The following SLC30A8 variants were observed in gnomAD, a reference collection of about 807,000 sequenced individuals.
SLC30A8 encodes the protein solute carrier family 30 member 8, also known as proton-coupled zinc antiporter SLC30A8.
A neutral mutation model predicts 36.9 loss-of-function variants in SLC30A8; 27 were observed. The observed-to-expected ratio is 0.73, with a 90% CI of 0.54 to 1.01. The LOEUF is 1.01. Among genes scored for constraint, SLC30A8 ranks in the 50% least tolerant of loss-of-function variants. The pLI is 0.00. For synonymous variants in SLC30A8, 164 were observed against 172.4 expected (o/e 0.95, Z 0.38); for missense variants, 439 against 452.0 (o/e 0.97, Z 0.26).
Position 116,957,253 on chromosome 8 carries a change from G to A in SLC30A8, c.-266+6134G>A, listed in dbSNP as rs550783229. Among the ~76,000 whole-genome samples, 6 of 152,142 alleles carry A rather than the reference G, an allele frequency of 3.9e-5. No individual in the cohort carries two copies. The South Asian group carries it at 1.2e-3, about 32-fold the overall frequency. ...CATAGTTAAAGGGCTATTATGGGCA[G>A]CACCATTCTTTTTTTTATTTTTTAT... On this transcript the variant is annotated intron_variant, in intron 1 of 10. Transcript: ENST00000427715.
At chr8:117,068,973 A>G (rs1193002942) in intron 2 of SLC30A8, among the ~76,000 whole-genome samples, 2 of 152,054 alleles carry the variant, frequency 1.3e-5, no homozygotes, top group African/African-American at 4.8e-5. Context: ...CTCTATCTCC[A>G]AGATTCACCC....
intron 1 of SLC30A8, among the ~76,000 whole-genome samples, chr8:116,989,844 A>G (rs1815570931): frequency 6.6e-6 from 1 of 152,234 alleles, no homozygotes; most frequent in Non-Finnish European, 1.5e-5. Context: ...TTCTGATCAC[A>G]TTTGCCAGGA....
intron 1 of SLC30A8, among the ~76,000 whole-genome samples, chr8:116,951,665 G>A (rs1432308863): frequency 6.6e-6 from 1 of 152,022 alleles, no homozygotes; most frequent in Admixed American, 6.5e-5. Context: ...GTGATTCCTT[G>A]TATTTTTATA....
At chr8:117,138,151 T>C (rs1821456917) in intron 1 of SLC30A8, among the ~76,000 whole-genome samples, 1 of 151,250 alleles carries the variant, frequency 6.6e-6, no homozygotes, top group Non-Finnish European at 1.5e-5. Flanking sequence ...TTCTTGGTGC[T>C]AGGTGGAAGG....
intron 1 of SLC30A8, among the ~76,000 whole-genome samples, chr8:117,033,211 A>G (rs1817110919): frequency 6.6e-6 from 1 of 152,244 alleles, no homozygotes; most frequent in Non-Finnish European, 1.5e-5. Context: ...TCATAACAGC[A>G]CTATTCAAAG....
At chr8:116,999,073 A>G (rs575020146) in intron 1 of SLC30A8, among the ~76,000 whole-genome samples, 35 of 152,338 alleles carry the variant, frequency 2.3e-4, no homozygotes, top group African/African-American at 8.4e-4. Context: ...AGCCTGGCCA[A>G]CATGGTGAAA....
chr8:116,988,724 C>T (rs1815534374), intron 1 of SLC30A8, among the ~76,000 whole-genome samples: 3 of 152,162 alleles, frequency 2.0e-5, no homozygotes, highest in African/African-American at 7.2e-5. Flanking sequence ...TGTTATTTTA[C>T]TATAATCGCC....
chr8:116,995,316 C>T (rs929152108), intron 1 of SLC30A8, among the ~76,000 whole-genome samples: 5 of 152,004 alleles, frequency 3.3e-5, no homozygotes, highest in African/African-American at 7.3e-5. Context: ...GGGTTTTAGA[C>T]GTAAATAACT....
chr8:117,012,212 G>A (rs115781286), intron 1 of SLC30A8, among the ~76,000 whole-genome samples: 1,534 of 152,052 alleles, frequency 0.01, 22 homozygotes, highest in African/African-American at 0.034. Context: ...ATTAAAGATA[G>A]GTAAACAATA....
At chr8:117,018,932 G>C (rs2130719294) in intron 1 of SLC30A8, among the ~76,000 whole-genome samples, 1 of 152,238 alleles carries the variant, frequency 6.6e-6, no homozygotes, top group African/African-American at 2.4e-5. Flanking sequence ...CAAAGTGTTG[G>C]GATTACAGGC....
intron 1 of SLC30A8, among the ~76,000 whole-genome samples, chr8:116,955,376 CAG>C (rs1019411225): frequency 4.6e-5 from 7 of 152,026 alleles, no homozygotes; most frequent in African/African-American, 1.7e-4. Context: ...AAAAGATACA[CAG>C]AGAGAACACC....
At chr8:117,129,514 CT>C (rs1821045814) in intron 2 of SLC30A8, among the ~76,000 whole-genome samples, 1 of 151,956 alleles carries the variant, frequency 6.6e-6, no homozygotes, top group Non-Finnish European at 1.5e-5. Context: ...CACCAGGTTT[CT>C]TGGGAAACTA....
Position 117,173,928 on chromosome 8 carries a change from C to G in SLC30A8, c.*1247C>G, listed in dbSNP as rs573111303. 13 of 152,238 alleles carry G rather than the reference C, an allele frequency of 8.5e-5. No individual in the cohort carries two copies. The East Asian group carries it at 2.5e-3, about 30-fold the overall frequency. 9.4% of individuals were successfully genotyped at this position (152,238 alleles called of 1,614,324 possible). ...GGGCATGGCCAGTGATGTTTCACGT[C>G]ATTGAGGTGACAGCTCTGCTGGACT... On this transcript the variant is annotated 3_prime_UTR_variant, in exon 8 of 8. Transcript: ENST00000456015.
At chr8:117,154,671 G>C (rs554490437) in intron 3 of SLC30A8, among the ~76,000 whole-genome samples, 15 of 152,314 alleles carry the variant, frequency 9.8e-5, no homozygotes, top group African/African-American at 3.4e-4. Flanking sequence ...TGCTTGAACA[G>C]CGCTACACTT....
rs1359223714 is a variant in SLC30A8, at chr8:117,176,025, A to T, written c.*3344A>T. 3 of 152,112 alleles carry T rather than the reference A, an allele frequency of 2.0e-5. No homozygotes were observed. Among genetic ancestry groups the T allele is most frequent in the African/African-American group, 7.2e-5 (3 of 41,444 alleles). 9.4% of individuals were successfully genotyped at this position (152,112 alleles called of 1,614,324 possible). A position where few individuals can be genotyped will look rare whatever the true frequency, so the allele number is the denominator to read the frequency against. On this transcript the variant is annotated 3_prime_UTR_variant, in exon 8 of 8. Coordinates refer to ENST00000456015, the MANE Select transcript of SLC30A8 (RefSeq NM_173851.3). ...TGTCCAGTGCAATGAAGGCAAAGTC[A>T]TAGGTCTCCCAAGTCTTACCCCATT...
chr8:117,098,306 A>G (rs1388225894), intron 2 of SLC30A8, among the ~76,000 whole-genome samples: 1 of 151,874 alleles, frequency 6.6e-6, no homozygotes, highest in African/African-American at 2.4e-5. Flanking sequence ...AAGGCCAAAG[A>G]CATGCATTCT....
rs1821292694 is a variant in SLC30A8 at position 117,135,006 on chromosome 8, C to T, written c.-322C>T. 5.1e-6 allele frequency: 1 copy of T among 197,828 alleles called. No homozygotes were observed. Among genetic ancestry groups the T allele is most frequent in the Non-Finnish European group, 1.0e-5 (1 of 98,736 alleles). The allele number at this position is 197,828 out of a possible 1,614,324, so 12.3% of individuals were successfully genotyped here. A position where few individuals can be genotyped will look rare whatever the true frequency, so the allele number is the denominator to read the frequency against. ...CAGCAATTTGTAGCAAGCTCTTGAG[C>T]TCCTCTACCTCTTAGAAAGCACAAT... On this transcript the variant is annotated 5_prime_UTR_variant, in exon 1 of 8. Coordinates refer to ENST00000456015, the MANE Select transcript of SLC30A8 (RefSeq NM_173851.3).
chr8:116,958,974 C>T (rs1313280497), intron 1 of SLC30A8, among the ~76,000 whole-genome samples: 2 of 151,014 alleles, frequency 1.3e-5, no homozygotes, highest in African/African-American at 2.4e-5. Context: ...CTCAGCCTCC[C>T]GAGTAGCTGG....
intron 2 of SLC30A8, among the ~76,000 whole-genome samples, chr8:117,064,747 A>G (rs1818117944): frequency 6.6e-6 from 1 of 152,244 alleles, no homozygotes; most frequent in South Asian, 2.1e-4. Flanking sequence ...TCTCTGCGCC[A>G]GGAGGCTATG....
Sources: allele counts gnomAD v4.1 joint callset (sites outside exome capture counted in the v4.1 genomes callset), GRCh38; gene constraint gnomAD v4.1.1; transcripts MANE v1.5; gene names NCBI Gene and HGNC (gene_info 2026-07-23, HGNC 2026-07-21).